The following ARHGEF9 variants were observed in gnomAD, a reference collection of about 807,000 sequenced individuals.
The protein encoded by ARHGEF9 is Cdc42 guanine nucleotide exchange factor 9, also known as rho guanine nucleotide exchange factor 9.
ARHGEF9 carries 2 observed loss-of-function variants against 41.3 expected under a neutral mutation model. That is an observed-to-expected ratio of 0.05 (90% CI 0.02 to 0.15). ARHGEF9 has a LOEUF of 0.15. Ranked by LOEUF, ARHGEF9 falls within the 10% of genes least tolerant of loss-of-function variation. The pLI, the probability that ARHGEF9 is intolerant of heterozygous loss-of-function variation, is 1.00. For synonymous variants in ARHGEF9, 160 were observed against 154.4 expected, an observed-to-expected ratio of 1.04 and a Z score of -0.27; for missense variants, 225 against 424.7, an observed-to-expected ratio of 0.53 and a Z score of 4.13.
chrX:63,647,899 C>T (rs2048231802), intron 8 of ARHGEF9, among the ~76,000 whole-genome samples: 1 of 110,911 alleles, frequency 9.0e-6, no homozygotes, highest in African/African-American at 3.3e-5. Flanking sequence ...ATTATTGCCT[C>T]AATTTTAGAG....
intron 4 of ARHGEF9, 68 bp from the exon 5 acceptor site, chrX:63,678,640 G>A: frequency 6.8e-6 from 5 of 730,500 alleles, no homozygotes; most frequent in Non-Finnish European, 8.4e-6. Flanking sequence ...TGAAGTAATG[G>A]AAAGACAGAT....
At chrX:63,727,681 G>A (rs2054053483) in intron 1 of ARHGEF9, 1 of 111,725 alleles carries the variant, frequency 9.0e-6, no homozygotes, top group African/African-American at 3.3e-5. Flanking sequence ...TATACTACTA[G>A]CTAAAGGTGT....
At chrX:63,705,753 C>A (rs1556401164) in intron 3 of ARHGEF9, among the ~76,000 whole-genome samples, 1 of 111,440 alleles carries the variant, frequency 9.0e-6, no homozygotes, top group Non-Finnish European at 1.9e-5. Flanking sequence ...GCTCATTAAA[C>A]CTAAAAATGC....
chrX:63,635,741 C>G lies in ARHGEF9; in HGVS notation c.*2287G>C. Reference sequence around the variant, plus strand: ...GAGGGCCTAGTCAAGAAATGTAGGCCCAGAAACTTGTCCAAGCATCCCCTC... The same window carrying G: ...GAGGGCCTAGTCAAGAAATGTAGGCGCAGAAACTTGTCCAAGCATCCCCTC... On this transcript the variant is annotated 3_prime_UTR_variant, in exon 10 of 10. Transcript: ENST00000671741. 5.0e-6 allele frequency: 1 copy of G among 201,930 alleles called. No homozygotes were observed. The highest frequency in any genetic ancestry group is 8.8e-6 in the Non-Finnish European group (1 of 113,961). The allele number at this position is 201,930 out of a possible 1,213,427, so 16.6% of individuals were successfully genotyped here.
At chrX:63,661,554 G>A (rs1487149455) in intron 7 of ARHGEF9, among the ~76,000 whole-genome samples, 1 of 111,959 alleles carries the variant, frequency 8.9e-6, no homozygotes, top group Non-Finnish European at 1.9e-5. Flanking sequence ...AAACACAGAG[G>A]AGCAGAGACT....
rs1384687379 is a variant in ARHGEF9, at chrX:63,668,991, C to A, written c.946-2974G>T. 5.3e-5 allele frequency among the ~76,000 whole-genome samples: 6 copies of A among 112,215 alleles called. No homozygotes were observed. In the Admixed American group the frequency reaches 5.7e-4, roughly 11 times the overall value. ...AGGTGAGAATCTCAAAAGACCTGGG[C>A]TCTGAGTCCAATGCTGCTACCAACT... On this transcript the variant is annotated intron_variant, in intron 6 of 9. Transcript: ENST00000671741.
chrX:63,699,248 G>A (rs1230028249), intron 3 of ARHGEF9, among the ~76,000 whole-genome samples: 3 of 111,674 alleles, frequency 2.7e-5, no homozygotes, highest in Non-Finnish European at 5.6e-5. Context: ...CACAGCTGGG[G>A]GAAAACAGTA....
intron 1 of ARHGEF9, chrX:63,767,039 G>T: frequency 4.2e-6 from 4 of 947,925 alleles, no homozygotes; most frequent in Non-Finnish European, 6.0e-6. Context: ...TTGAAGAGGT[G>T]AATATGTTTA....
intron 1 of ARHGEF9, among the ~76,000 whole-genome samples, chrX:63,775,568 C>A (rs2056279844): frequency 8.9e-6 from 1 of 111,974 alleles, no homozygotes; most frequent in South Asian, 3.7e-4. Flanking sequence ...CGAATTAACA[C>A]AGAAACAGAA....
intron 3 of ARHGEF9, among the ~76,000 whole-genome samples, chrX:63,704,843 C>T (rs1261992217): frequency 8.9e-6 from 1 of 111,884 alleles, no homozygotes; most frequent in Non-Finnish European, 1.9e-5. Flanking sequence ...TCTTTCTACT[C>T]TATCTGCCTC....
At chrX:63,677,526 T>A (rs1347146312) in intron 5 of ARHGEF9, among the ~76,000 whole-genome samples, 1 of 111,131 alleles carries the variant, frequency 9.0e-6, no homozygotes, top group African/African-American at 3.3e-5. Flanking sequence ...TAATACAGAT[T>A]CCTGAGACCT....
chrX:63,754,420 T>C (rs1355430632), intron 1 of ARHGEF9: 53 of 1,166,975 alleles, frequency 4.5e-5, no homozygotes, highest in Non-Finnish European at 3.0e-5. Flanking sequence ...TTTTTTTTTT[T>C]CTCGGTGGCT....
At chrX:63,751,008 GGGT>G (rs2055599613) in intron 1 of ARHGEF9, among the ~76,000 whole-genome samples, 1 of 111,021 alleles carries the variant, frequency 9.0e-6, no homozygotes, top group Non-Finnish European at 1.9e-5. Context: ...GGAGCTCAGT[GGGT>G]GCTCAGTGAT....
intron 1 of ARHGEF9, among the ~76,000 whole-genome samples, chrX:63,784,233 C>G (rs1344710980): frequency 1.1e-4 from 12 of 112,052 alleles, no homozygotes; most frequent in African/African-American, 1.9e-4. Flanking sequence ...ATGGGGGCCT[C>G]CCACTCCCCA....
At chrX:63,673,888 C>T in intron 6 of ARHGEF9, 150 bp downstream of exon 6, 1 of 729,240 alleles carries the variant, frequency 1.4e-6, no homozygotes, top group Non-Finnish European at 2.0e-6. Context: ...TCCAACACTT[C>T]TCATTAGCAA....
intron 6 of ARHGEF9, among the ~76,000 whole-genome samples, chrX:63,672,733 A>G (rs2050035561): frequency 9.0e-6 from 1 of 111,535 alleles, no homozygotes; most frequent in African/African-American, 3.3e-5. Context: ...TCTCTTACAA[A>G]AAACCCTGCC....
intron 1 of ARHGEF9, chrX:63,754,251 A>T: frequency 8.7e-7 from 1 of 1,155,889 alleles, no homozygotes; most frequent in Non-Finnish European, 1.2e-6. Flanking sequence ...CTATACGCGC[A>T]GGCATTCTTA....
At chrX:63,642,607 A>G (rs1243510075) in intron 9 of ARHGEF9, 1 of 111,892 alleles carries the variant, frequency 8.9e-6, no homozygotes, top group Non-Finnish European at 1.9e-5. Context: ...TTAACTGGAA[A>G]TCAGATGTTC....
chrX:63,641,348 A>G (rs2047618581), intron 9 of ARHGEF9: 1 of 102,525 alleles, frequency 9.8e-6, no homozygotes, highest in African/African-American at 3.7e-5. Context: ...GTGAAACTCC[A>G]TCTCAGGGAA....
Sources: allele counts gnomAD v4.1 joint callset (sites outside exome capture counted in the v4.1 genomes callset), GRCh38; gene constraint gnomAD v4.1.1; transcripts MANE v1.5; gene names NCBI Gene and HGNC (gene_info 2026-07-23, HGNC 2026-07-21).